The following AGPS variants were observed in gnomAD, a reference collection of about 807,000 sequenced individuals.
AGPS encodes alkyldihydroxyacetonephosphate synthase, peroxisomal.
A neutral mutation model predicts 90.7 loss-of-function variants in AGPS; 26 were observed. That is an observed-to-expected ratio of 0.29 (90% CI 0.21 to 0.40). The LOEUF (loss-of-function observed/expected upper bound fraction) is 0.40. Ranked by LOEUF, AGPS falls within the 10% of genes least tolerant of loss-of-function variation. The pLI, the probability that AGPS is intolerant of heterozygous loss-of-function variation, is 1.00. For synonymous variants in AGPS, 294 were observed against 285.3 expected (o/e 1.03, Z -0.31); for missense variants, 540 against 816.1 (o/e 0.66, Z 4.12).
chr2:177,511,052 C>T (rs1269031430), intron 16 of AGPS, among the ~76,000 whole-genome samples: 1 of 152,106 alleles, frequency 6.6e-6, no homozygotes, highest in Non-Finnish European at 1.5e-5. Flanking sequence ...TTTGAGAGTA[C>T]AGTCTATAAA....
intron 19 of AGPS, among the ~76,000 whole-genome samples, chr2:177,529,231 C>T (rs1357674466): frequency 1.3e-5 from 2 of 152,064 alleles, no homozygotes; most frequent in African/African-American, 4.8e-5. Context: ...CTTTGGGAGG[C>T]CCAGGCAGAA....
chr2:177,508,700 A>G (rs1688780399), intron 16 of AGPS, among the ~76,000 whole-genome samples: 1 of 152,196 alleles, frequency 6.6e-6, no homozygotes, highest in African/African-American at 2.4e-5. Context: ...GTTGTATTAT[A>G]ACTCATCCAG....
intron 8 of AGPS, among the ~76,000 whole-genome samples, chr2:177,455,757 G>A (rs1355471200): frequency 7.3e-6 from 1 of 137,724 alleles, no homozygotes; most frequent in Non-Finnish European, 1.6e-5. Context: ...CTTAATTTCA[G>A]TTTCCTTTAC....
chr2:177,468,582 A>G, intron 10 of AGPS, 58 bp downstream of exon 10: 1 of 1,224,566 alleles, frequency 8.2e-7, no homozygotes, highest in Non-Finnish European at 1.2e-6. Flanking sequence ...CAGTTTTGTG[A>G]AAATCTTTAT....
At chr2:177,436,211 G>A (rs908789985) in intron 3 of AGPS, among the ~76,000 whole-genome samples, 4 of 137,942 alleles carry the variant, frequency 2.9e-5, no homozygotes, top group African/African-American at 1.1e-4. Context: ...GAGTGCCGTG[G>A]TACAATCTCG....
At chr2:177,427,653 T>C (rs1686121430) in intron 2 of AGPS, among the ~76,000 whole-genome samples, 1 of 152,176 alleles carries the variant, frequency 6.6e-6, no homozygotes, top group Non-Finnish European at 1.5e-5. Flanking sequence ...TTTTGGGTGA[T>C]TTTTTTAGTC....
At chr2:177,436,673 A>G (rs953796960) in intron 3 of AGPS, 91 bp from the exon 4 acceptor site, 1 of 1,308,746 alleles carries the variant, frequency 7.6e-7, no homozygotes, top group African/African-American at 1.5e-5. Flanking sequence ...TGTTTAAAAA[A>G]AAGTCTACAT....
chr2:177,514,958 A>G (rs1423107359), intron 17 of AGPS, among the ~76,000 whole-genome samples: 1 of 151,582 alleles, frequency 6.6e-6, no homozygotes, highest in African/African-American at 2.4e-5. Context: ...GTATATTAAC[A>G]TGTTTTAAGC....
intron 2 of AGPS, among the ~76,000 whole-genome samples, chr2:177,428,917 T>G (rs1559042052): frequency 6.6e-6 from 1 of 152,212 alleles, no homozygotes; most frequent in Non-Finnish European, 1.5e-5. Context: ...GTTTTCCAAC[T>G]TGGTTCCATT....
At chr2:177,535,644 CTTG>C (rs1471956081) in intron 19 of AGPS, among the ~76,000 whole-genome samples, 4 of 152,104 alleles carry the variant, frequency 2.6e-5, no homozygotes, top group Non-Finnish European at 4.4e-5. Flanking sequence ...CAATAATTGT[CTTG>C]TTGTTAAGGC....
At chr2:177,425,362 C>T (rs1443460049) in intron 2 of AGPS, among the ~76,000 whole-genome samples, 4 of 151,922 alleles carry the variant, frequency 2.6e-5, no homozygotes, top group Admixed American at 2.0e-4. Context: ...GGCTCACACC[C>T]GTAATCCCAG....
chr2:177,495,080 A>G (rs1688375089), intron 12 of AGPS, among the ~76,000 whole-genome samples: 1 of 152,152 alleles, frequency 6.6e-6, no homozygotes, highest in Non-Finnish European at 1.5e-5. Context: ...CATTATATTG[A>G]CATTATCTAA....
At position 177,511,160 on chromosome 2, in the gene AGPS, G is replaced by A. The variant is rs138293101; in HGVS notation, c.1608-2659G>A. ...GTCACCCAGGCCAGAGTGCAGTGAC[G>A]CTTATCACGGCTCACTGCAGCCTTG... is the stretch of plus-strand genomic sequence containing the variant. On this transcript the variant is annotated intron_variant, in intron 16 of 19. Coordinates refer to ENST00000264167, the MANE Select transcript of AGPS (RefSeq NM_003659.4). Among the ~76,000 whole-genome samples the A allele has an allele frequency of 2.6e-3, 393 of 152,168 alleles. 2 individuals are homozygous for A. The highest frequency in any genetic ancestry group is 4.0e-3 in the Non-Finnish European group (271 of 67,990).
intron 1 of AGPS, among the ~76,000 whole-genome samples, chr2:177,400,405 A>AT (rs1451601273): frequency 6.6e-6 from 1 of 152,104 alleles, no homozygotes; most frequent in Non-Finnish European, 1.5e-5. Context: ...TAAAATATCA[A>AT]TTTTTTGTAT....
intron 12 of AGPS, among the ~76,000 whole-genome samples, chr2:177,493,571 A>G (rs1688329825): frequency 6.6e-6 from 1 of 152,186 alleles, no homozygotes; most frequent in Non-Finnish European, 1.5e-5. Context: ...GGCAGCAAAA[A>G]TGTGAAGGTG....
At chr2:177,490,235 T>A (rs1224213168) in intron 11 of AGPS, among the ~76,000 whole-genome samples, 1 of 152,156 alleles carries the variant, frequency 6.6e-6, no homozygotes, top group African/African-American at 2.4e-5. Flanking sequence ...TTATAAGAAA[T>A]GTTTTCAGCT....
At position 177,543,336 on chromosome 2, in the gene AGPS, G is replaced by A. The variant is rs1358902323; in HGVS notation, c.*5141G>A. 1 of 152,088 alleles carries A rather than the reference G, an allele frequency of 6.6e-6. No homozygotes were observed. Among genetic ancestry groups the A allele is most frequent in the Non-Finnish European group, 1.5e-5 (1 of 68,012 alleles). The allele number at this position is 152,088 out of a possible 1,614,324, so 9.4% of individuals were successfully genotyped here. On this transcript the variant is annotated 3_prime_UTR_variant, in exon 20 of 20. Transcript: ENST00000264167. Reference sequence around the variant, plus strand: ...CAGAATAACGAATATTTCTGTTCTGGACAATGATTAAATCTTATGAGAAAT... The same window carrying A: ...CAGAATAACGAATATTTCTGTTCTGAACAATGATTAAATCTTATGAGAAAT...
At chr2:177,418,358 CT>C (rs780507639) in intron 1 of AGPS, among the ~76,000 whole-genome samples, 1 of 152,008 alleles carries the variant, frequency 6.6e-6, no homozygotes, top group Non-Finnish European at 1.5e-5. Context: ...TAGCTTTTTA[CT>C]TTGGGGCCAT....
chr2:177,401,565 G>A (rs576188447), intron 1 of AGPS, among the ~76,000 whole-genome samples: 75 of 147,260 alleles, frequency 5.1e-4, no homozygotes, highest in African/African-American at 1.8e-3. Flanking sequence ...TTTTTTTTGC[G>A]ACAGAGTCTC....
Sources: gnomAD v4.1 joint callset for allele counts (sites outside exome capture counted in the v4.1 genomes callset) on GRCh38, gnomAD v4.1.1 for gene constraint, MANE v1.5 for transcripts, NCBI Gene and HGNC (gene_info 2026-07-23, HGNC 2026-07-21) for gene names.